Variants in CSMD1 observed in about 807,000 individuals in gnomAD.
CSMD1 encodes the protein CUB and sushi domain-containing protein 1.
Under a neutral mutation model 417.5 loss-of-function variants are expected in CSMD1, and 213 were observed. The observed-to-expected ratio is 0.51, with a 90% CI of 0.46 to 0.57. CSMD1 has a LOEUF of 0.57. Ranked by LOEUF, CSMD1 falls within the 20% of genes least tolerant of loss-of-function variation. The pLI is 0.00. For synonymous variants in CSMD1, 2,862 were observed against 1,736.8 expected, an observed-to-expected ratio of 1.65 and a Z score of -16.11; for missense variants, 6,923 against 4,529.7, an observed-to-expected ratio of 1.53 and a Z score of -15.17.
intron 5 of CSMD1, among the ~76,000 whole-genome samples, chr8:3,872,347 G>T (rs1037161323): frequency 6.6e-6 from 1 of 152,158 alleles, no homozygotes; most frequent in African/African-American, 2.4e-5. Flanking sequence ...CCGGCAAAGT[G>T]CCAGGTGCTG....
intron 5 of CSMD1, among the ~76,000 whole-genome samples, chr8:3,917,318 G>C (rs376884727): frequency 4.6e-5 from 7 of 152,156 alleles, no homozygotes; most frequent in African/African-American, 1.7e-4. Context: ...AGCAGACTCA[G>C]GAGTGAATGC....
At chr8:3,969,483 GT>G (rs893429437) in intron 5 of CSMD1, among the ~76,000 whole-genome samples, 15 of 151,970 alleles carry the variant, frequency 9.9e-5, no homozygotes, top group Non-Finnish European at 1.8e-4. Flanking sequence ...ATAAGTTTGT[GT>G]TTTTTTTCCC....
At chr8:3,681,472 C>T (rs1799657755) in intron 7 of CSMD1, among the ~76,000 whole-genome samples, 1 of 152,088 alleles carries the variant, frequency 6.6e-6, no homozygotes, top group Non-Finnish European at 1.5e-5. Flanking sequence ...CCTAGGAATC[C>T]AGCTTACAAG....
intron 1 of CSMD1, among the ~76,000 whole-genome samples, chr8:4,832,950 T>C (rs1585179127): frequency 6.6e-6 from 1 of 152,276 alleles, no homozygotes; most frequent in East Asian, 1.9e-4. Flanking sequence ...TCTTGTCTGA[T>C]TTCATCAAGG....
chr8:3,670,578 G>GATATATATGGGGATATATATGTTGC (rs1798947028), intron 7 of CSMD1, among the ~76,000 whole-genome samples: 1 of 109,516 alleles, frequency 9.1e-6, no homozygotes, highest in African/African-American at 3.2e-5. Flanking sequence ...ATATATATGG[G>GATATATATGGGGATATATATGTTGC]ATATATATGG....
chr8:3,729,352 C>T (rs1200186887), intron 6 of CSMD1, among the ~76,000 whole-genome samples: 5 of 152,178 alleles, frequency 3.3e-5, no homozygotes, highest in African/African-American at 9.7e-5. Flanking sequence ...GCCAGTCTAG[C>T]TCTGCCACCA....
intron 3 of CSMD1, among the ~76,000 whole-genome samples, chr8:4,216,389 T>G (rs1800669330): frequency 6.6e-6 from 1 of 152,210 alleles, no homozygotes; most frequent in Non-Finnish European, 1.5e-5. Context: ...ATCAGAATAG[T>G]GTGTACTATT....
rs1319674008 is a variant in CSMD1 at position 3,998,031 on chromosome 8, G to A, written c.690C>T (p.Asn230=). ...GAATGGTCCAGGTGCAGTCCGCGTT[G>A]TTCTCGTACTCTGAAGGGAAGTGCG... ...SSPHFPSEYE[N]NADCTWTILA... is the part of the protein sequence containing the mutation. The change falls in exon 5 of 70, where the codon AAC becomes AAT. Residue 230 remains asparagine (N), a synonymous_variant. Coordinates refer to ENST00000635120, the MANE Select transcript of CSMD1 (RefSeq NM_033225.6). The A allele has an allele frequency of 9.3e-6, 15 of 1,604,786 alleles. No individual in the cohort carries two copies. The highest frequency in any genetic ancestry group is 3.4e-5 in the Admixed American group (2 of 58,804).
intron 1 of CSMD1, among the ~76,000 whole-genome samples, chr8:4,903,064 C>G (rs1254560028): frequency 6.6e-6 from 1 of 151,198 alleles, no homozygotes; most frequent in Admixed American, 6.6e-5. Context: ...ACTTTGAATA[C>G]TGTCATGTAT....
At chr8:4,168,541 C>G (rs1026537294) in intron 3 of CSMD1, among the ~76,000 whole-genome samples, 1 of 151,988 alleles carries the variant, frequency 6.6e-6, no homozygotes, top group Non-Finnish European at 1.5e-5. Flanking sequence ...ACACAGAACA[C>G]AACAGTGAGC....
chr8:3,845,474 A>G lies in CSMD1; in HGVS notation c.819-91432T>C, dbSNP rs1803441950. ...GAAAAGGTACAGCTGAAAAATCAGC[A>G]TAAAAGATAGAAAATGCTACACCTG... is the stretch of plus-strand genomic sequence containing the variant. On this transcript the variant is annotated intron_variant, in intron 5 of 69. Coordinates refer to ENST00000635120, the MANE Select transcript of CSMD1 (RefSeq NM_033225.6). Among the ~76,000 whole-genome samples the G allele has an allele frequency of 3.3e-5, 5 of 152,202 alleles. No individual in the cohort carries two copies. The South Asian group carries it at 1.0e-3, about 31-fold the overall frequency.
intron 1 of CSMD1, among the ~76,000 whole-genome samples, chr8:4,771,169 A>T (rs1213222009): frequency 2.0e-5 from 3 of 152,214 alleles, no homozygotes; most frequent in Non-Finnish European, 4.4e-5. Flanking sequence ...TTACACAGAG[A>T]AGACTGAGGC....
chr8:4,049,941 G>A (rs760464424), intron 3 of CSMD1, among the ~76,000 whole-genome samples: 8 of 152,048 alleles, frequency 5.3e-5, no homozygotes, highest in East Asian at 1.9e-4. Flanking sequence ...CTGCGTTTAC[G>A]TGCCGTTCCT....
intron 1 of CSMD1, among the ~76,000 whole-genome samples, chr8:4,747,879 A>T (rs750906977): frequency 6.6e-6 from 1 of 152,220 alleles, no homozygotes; most frequent in South Asian, 2.1e-4. Flanking sequence ...ACGCACCAGG[A>T]TATCTGTTGT....
At chr8:4,774,061 G>T (rs1034650793) in intron 1 of CSMD1, among the ~76,000 whole-genome samples, 1 of 152,100 alleles carries the variant, frequency 6.6e-6, no homozygotes, top group Admixed American at 6.5e-5. Context: ...GCTGGGCATG[G>T]CGATAGATGC....
At chr8:3,620,763 G>A (rs1036741350) in intron 7 of CSMD1, among the ~76,000 whole-genome samples, 5 of 152,112 alleles carry the variant, frequency 3.3e-5, no homozygotes, top group African/African-American at 1.2e-4. Flanking sequence ...CAAAAATGCT[G>A]AAAGACATAT....
At chr8:3,002,866 G>T (rs569510239) in intron 52 of CSMD1, among the ~76,000 whole-genome samples, 1 of 152,150 alleles carries the variant, frequency 6.6e-6, no homozygotes, top group East Asian at 1.9e-4. Flanking sequence ...GGTTCTCTGA[G>T]GAATTGGCAC....
intron 2 of CSMD1, among the ~76,000 whole-genome samples, chr8:4,489,495 C>T (rs1473188395): frequency 6.6e-6 from 1 of 152,120 alleles, no homozygotes; most frequent in Non-Finnish European, 1.5e-5. Context: ...CCACCAGAAA[C>T]GAGAGGTGGT....
chr8:3,956,832 A>T (rs950770368), intron 5 of CSMD1, among the ~76,000 whole-genome samples: 2 of 152,078 alleles, frequency 1.3e-5, no homozygotes, highest in Admixed American at 1.3e-4. Context: ...AGGAAGAGAG[A>T]ATGTTGGTGG....
Sources: allele counts gnomAD v4.1 joint callset (sites outside exome capture counted in the v4.1 genomes callset), GRCh38; gene constraint gnomAD v4.1.1; transcripts MANE v1.5; gene names NCBI Gene and HGNC (gene_info 2026-07-23, HGNC 2026-07-21).